The following CHD9NB variants were observed in gnomAD, a reference collection of about 807,000 sequenced individuals.
CHD9NB encodes the protein CHD9 neighbor.
chr16:53,046,230 A>G, the CHD9NB span, among the ~76,000 whole-genome samples: 1 of 152,128 alleles, frequency 6.6e-6, no homozygotes, highest in Non-Finnish European at 1.5e-5. Flanking sequence ...GAAGCCTCCA[A>G]ATTAATCATG....
At chr16:53,049,508 G>A in the CHD9NB span, among the ~76,000 whole-genome samples, 2 of 152,164 alleles carry the variant, frequency 1.3e-5, no homozygotes, top group Non-Finnish European at 2.9e-5. Context: ...CATAGAATCT[G>A]CTGGAGGAGG....
the CHD9NB span, among the ~76,000 whole-genome samples, chr16:53,045,862 C>T: frequency 6.6e-6 from 1 of 152,120 alleles, no homozygotes; most frequent in Non-Finnish European, 1.5e-5. Context: ...AGAATGCAAG[C>T]ACAGGTCCCA....
chr16:53,044,783 G>A, the CHD9NB span, among the ~76,000 whole-genome samples: 1 of 152,198 alleles, frequency 6.6e-6, no homozygotes, highest in Non-Finnish European at 1.5e-5. Context: ...AGAAGTAGGT[G>A]TATTATTTAA....
chr16:53,050,125 A>C, the CHD9NB span, among the ~76,000 whole-genome samples: 1 of 151,832 alleles, frequency 6.6e-6, no homozygotes, highest in South Asian at 2.1e-4. Context: ...AATCGCTTGA[A>C]CTGGGAGGCA....
At chr16:53,045,204 C>A in the CHD9NB span, among the ~76,000 whole-genome samples, 2 of 152,172 alleles carry the variant, frequency 1.3e-5, no homozygotes, top group East Asian at 1.9e-4. Flanking sequence ...TTCAAGCGAT[C>A]TGCCTGTTCA....
At chr16:53,040,405 C>G in the CHD9NB span, among the ~76,000 whole-genome samples, 1 of 152,102 alleles carries the variant, frequency 6.6e-6, no homozygotes. Context: ...TCAAGGTTTA[C>G]CTCCCTGTCC....
the CHD9NB span, among the ~76,000 whole-genome samples, chr16:53,046,036 G>A: frequency 6.6e-6 from 1 of 152,134 alleles, no homozygotes; most frequent in Non-Finnish European, 1.5e-5. Flanking sequence ...TGCCAACAGG[G>A]CCTGGCAGAG....
chr16:53,038,834 G>A, the CHD9NB span, among the ~76,000 whole-genome samples: 1 of 152,182 alleles, frequency 6.6e-6, no homozygotes, highest in Non-Finnish European at 1.5e-5. Flanking sequence ...TCTATAAAAT[G>A]AGCACAGTGT....
the CHD9NB span, among the ~76,000 whole-genome samples, chr16:53,046,991 T>C: frequency 6.6e-6 from 1 of 152,014 alleles, no homozygotes; most frequent in African/African-American, 2.4e-5. Context: ...GCCCTAGGAA[T>C]AGAATATGAC....
At chr16:53,045,093 C>T in the CHD9NB span, among the ~76,000 whole-genome samples, 1 of 151,902 alleles carries the variant, frequency 6.6e-6, no homozygotes, top group Non-Finnish European at 1.5e-5. Flanking sequence ...GCCACCATGC[C>T]CAGCTAAGTT....
the CHD9NB span, among the ~76,000 whole-genome samples, chr16:53,037,824 C>T: frequency 6.6e-6 from 1 of 152,196 alleles, no homozygotes; most frequent in Admixed American, 6.5e-5. Flanking sequence ...GTGCAAGCCC[C>T]AGCTGTGTCC....
chr16:53,042,573 C>G, the CHD9NB span, among the ~76,000 whole-genome samples: 2 of 147,644 alleles, frequency 1.4e-5, no homozygotes, highest in Admixed American at 1.4e-4. Context: ...ACTTCCCTCT[C>G]CGTCTCTTCC....
At chr16:53,039,220 A>G in the CHD9NB span, among the ~76,000 whole-genome samples, 2 of 152,220 alleles carry the variant, frequency 1.3e-5, no homozygotes, top group African/African-American at 4.8e-5. Context: ...GAGTGAGTTT[A>G]TTGGCTTGTG....
the CHD9NB span, among the ~76,000 whole-genome samples, chr16:53,051,783 A>G: frequency 2.7e-5 from 1 of 36,916 alleles, no homozygotes; most frequent in Non-Finnish European, 1.2e-4. Flanking sequence ...ATATATATAT[A>G]TATATATATA....
chr16:53,048,135 G>A, the CHD9NB span, among the ~76,000 whole-genome samples: 2 of 152,192 alleles, frequency 1.3e-5, no homozygotes, highest in Non-Finnish European at 2.9e-5. Flanking sequence ...TGGGTGCAGT[G>A]GCTCATGCCT....
At chr16:53,040,603 C>T in the CHD9NB span, among the ~76,000 whole-genome samples, 7 of 152,248 alleles carry the variant, frequency 4.6e-5, 1 homozygote, top group South Asian at 8.3e-4. Context: ...CTGTTCCAGG[C>T]GGTACTCCCA....
chr16:53,043,845 G>A, the CHD9NB span: 1 of 396,676 alleles, frequency 2.5e-6, no homozygotes, highest in Non-Finnish European at 4.4e-6. Context: ...ATGAGCAAAG[G>A]CTGCTAAAAA....
At chr16:53,047,624 C>T in the CHD9NB span, among the ~76,000 whole-genome samples, 3 of 152,178 alleles carry the variant, frequency 2.0e-5, no homozygotes, top group South Asian at 2.1e-4. Flanking sequence ...ATCCTTACGA[C>T]GTCATTTAAC....
the CHD9NB span, among the ~76,000 whole-genome samples, chr16:53,039,087 A>G: frequency 9.2e-3 from 1,400 of 151,908 alleles, 12 homozygotes; most frequent in Middle Eastern, 0.034. Context: ...TCCCAACTCC[A>G]TCCTCTAAAC....
Sources: allele counts gnomAD v4.1 joint callset (sites outside exome capture counted in the v4.1 genomes callset), GRCh38; gene constraint gnomAD v4.1.1; transcripts MANE v1.5; gene names NCBI Gene and HGNC (gene_info 2026-07-23, HGNC 2026-07-21).